Variants in GTF2F2 observed in about 807,000 individuals in gnomAD.
The protein encoded by GTF2F2 is general transcription factor IIF subunit 2.
In GTF2F2, 23 loss-of-function variants were observed where a neutral mutation model predicts 42.2. That is an observed-to-expected ratio of 0.55 (90% confidence interval 0.39 to 0.77). The LOEUF is 0.77. Ranked by LOEUF, GTF2F2 falls within the 30% of genes least tolerant of loss-of-function variation. The pLI is 0.00. For missense variants in GTF2F2, 261 were observed against 287.2 expected, an observed-to-expected ratio of 0.91 and a Z score of 0.66; for synonymous variants, 105 against 100.8, an observed-to-expected ratio of 1.04 and a Z score of -0.25.
At chr13:45,142,106 A>C (rs1161936573) in intron 2 of GTF2F2, among the ~76,000 whole-genome samples, 1 of 152,194 alleles carries the variant, frequency 6.6e-6, no homozygotes, top group Non-Finnish European at 1.5e-5. Context: ...ACCTCAGTAG[A>C]AGTGAGTTGA....
intron 5 of GTF2F2, among the ~76,000 whole-genome samples, chr13:45,242,887 G>GTTTA (rs2138235588): frequency 6.6e-6 from 1 of 152,292 alleles, no homozygotes; most frequent in Admixed American, 6.5e-5. Flanking sequence ...TCTGCCAGCA[G>GTTTA]TTTAGATTGA....
At chr13:45,162,074 C>A (rs980215881) in intron 4 of GTF2F2, among the ~76,000 whole-genome samples, 1 of 152,142 alleles carries the variant, frequency 6.6e-6, no homozygotes, top group African/African-American at 2.4e-5. Context: ...TTTAAAAAAT[C>A]TTCATTTTGC....
intron 7 of GTF2F2, among the ~76,000 whole-genome samples, chr13:45,281,881 A>G (rs1877281686): frequency 1.3e-5 from 2 of 152,230 alleles, no homozygotes; most frequent in Admixed American, 6.5e-5. Context: ...TTGTTCTGCA[A>G]CAACAACAAA....
At chr13:45,212,717 C>G (rs1873740662) in intron 5 of GTF2F2, among the ~76,000 whole-genome samples, 1 of 151,876 alleles carries the variant, frequency 6.6e-6, no homozygotes. Flanking sequence ...AGGCATCCTC[C>G]AGCACGGCTG....
chr13:45,212,482 T>TCTTTCTTC (rs1873711932), intron 5 of GTF2F2, among the ~76,000 whole-genome samples: 1 of 135,086 alleles, frequency 7.4e-6, no homozygotes, highest in African/African-American at 2.8e-5. Flanking sequence ...TTTCTTTCTT[T>TCTTTCTTC]CTTTCTTTCT....
rs192738408 is a variant in GTF2F2 at position 45,190,472 on chromosome 13, C to G, written c.305-16952C>G. Among the ~76,000 whole-genome samples, 618 of 152,240 alleles carry G rather than the reference C, an allele frequency of 4.1e-3. 8 individuals carry two copies. The highest frequency in any genetic ancestry group is 0.014 in the African/African-American group (595 of 41,546). On this transcript the variant is annotated intron_variant, in intron 4 of 7. Coordinates refer to ENST00000340473, the MANE Select transcript of GTF2F2 (RefSeq NM_004128.3). ...AAATCAGACGTGGTTTCTGTTGGCTCTGGTACAGGTATACCTGGGCTTCAA... is the reference window on the plus strand; with the variant it reads ...AAATCAGACGTGGTTTCTGTTGGCTGTGGTACAGGTATACCTGGGCTTCAA...
intron 2 of GTF2F2, among the ~76,000 whole-genome samples, chr13:45,139,031 AAT>A (rs1869779834): frequency 6.6e-6 from 1 of 152,236 alleles, no homozygotes; most frequent in Admixed American, 6.5e-5. Context: ...CACAGGAAGC[AAT>A]GAGTCCATCT....
chr13:45,152,185 G>A (rs1870535808), intron 4 of GTF2F2, among the ~76,000 whole-genome samples: 1 of 152,094 alleles, frequency 6.6e-6, no homozygotes, highest in South Asian at 2.1e-4. Flanking sequence ...AAAGTGCTGG[G>A]ATTACAGGCG....
chr13:45,234,750 A>T lies in GTF2F2; in HGVS notation c.387-18121A>T, dbSNP rs866231073. Among the ~76,000 whole-genome samples the T allele has an allele frequency of 2.6e-5, 4 of 152,266 alleles. No individual in the cohort carries two copies. In the South Asian group the frequency reaches 8.3e-4, roughly 32 times the overall value. On this transcript the variant is annotated intron_variant, in intron 5 of 7. Coordinates refer to ENST00000340473, the MANE Select transcript of GTF2F2 (RefSeq NM_004128.3). Reference sequence around the variant, plus strand: ...AGTAAATATGCACTTTGGGCAGCTTACAAAAAGATGGTCATGCCAGTGCGG... The same window carrying T: ...AGTAAATATGCACTTTGGGCAGCTTTCAAAAAGATGGTCATGCCAGTGCGG...
intron 6 of GTF2F2, among the ~76,000 whole-genome samples, chr13:45,263,414 G>A (rs907235397): frequency 6.6e-6 from 1 of 152,030 alleles, no homozygotes; most frequent in Non-Finnish European, 1.5e-5. Context: ...ATTTTTAGTA[G>A]AGACAGGGTT....
intron 4 of GTF2F2, among the ~76,000 whole-genome samples, chr13:45,197,509 CAAA>C (rs1195927657): frequency 5.5e-5 from 5 of 91,448 alleles, no homozygotes; most frequent in Admixed American, 1.2e-4. Context: ...ACCCTGTCTC[CAAA>C]AAAAAAAAAA....
intron 5 of GTF2F2, among the ~76,000 whole-genome samples, chr13:45,251,716 TGA>T (rs1230985764): frequency 1.3e-5 from 2 of 152,186 alleles, no homozygotes; most frequent in African/African-American, 2.4e-5. Context: ...AATAAATTCT[TGA>T]GTAGTTTCTC....
chr13:45,213,140 G>A (rs1278844993), intron 5 of GTF2F2, among the ~76,000 whole-genome samples: 1 of 151,180 alleles, frequency 6.6e-6, no homozygotes, highest in African/African-American at 2.4e-5. Context: ...GTGCAGTGGC[G>A]CCATCTCGGC....
chr13:45,151,896 A>G, intron 4 of GTF2F2, 65 bp downstream of exon 4: 1 of 668,084 alleles, frequency 1.5e-6, no homozygotes. Context: ...CTGTCTCAAC[A>G]TACACTCCTA....
At chr13:45,172,054 A>G (rs928027971) in intron 4 of GTF2F2, among the ~76,000 whole-genome samples, 1 of 152,138 alleles carries the variant, frequency 6.6e-6, no homozygotes, top group African/African-American at 2.4e-5. Context: ...TGATGCTGCT[A>G]TGAATATTTG....
At chr13:45,279,015 G>A (rs1877149850) in intron 7 of GTF2F2, among the ~76,000 whole-genome samples, 1 of 151,724 alleles carries the variant, frequency 6.6e-6, no homozygotes, top group South Asian at 2.1e-4. Flanking sequence ...GTAGAGACGA[G>A]GTTTCTCCAT....
chr13:45,261,197 T>C (rs763221163), intron 6 of GTF2F2, among the ~76,000 whole-genome samples: 2 of 152,098 alleles, frequency 1.3e-5, no homozygotes, highest in African/African-American at 2.4e-5. Context: ...GAAGCCGCAG[T>C]GGGCGGATCA....
chr13:45,193,050 G>A (rs1233471243), intron 4 of GTF2F2: 1 of 152,160 alleles, frequency 6.6e-6, no homozygotes, highest in African/African-American at 2.4e-5. Flanking sequence ...GGTACTGTTT[G>A]CTTTTAAAGT....
At chr13:45,273,654 A>ATTTTTTTTTTTTTTTTTT (rs1331934269) in intron 7 of GTF2F2, among the ~76,000 whole-genome samples, 2 of 110,908 alleles carry the variant, frequency 1.8e-5, no homozygotes, top group Non-Finnish European at 1.8e-5. Flanking sequence ...AGAGTGGTAA[A>ATTTTTTTTTTTTTTTTTT]ATTTTTTTTT....
Sources: allele counts gnomAD v4.1 joint callset (sites outside exome capture counted in the v4.1 genomes callset), GRCh38; gene constraint gnomAD v4.1.1; transcripts MANE v1.5; gene names NCBI Gene and HGNC (gene_info 2026-07-23, HGNC 2026-07-21).